The following PTPN3 variants were observed in gnomAD, a reference collection of about 807,000 sequenced individuals.
PTPN3 encodes the protein tyrosine-protein phosphatase non-receptor type 3.
Under a neutral mutation model 132.7 loss-of-function variants are expected in PTPN3, and 96 were observed. That is an observed-to-expected ratio of 0.72 (90% CI 0.61 to 0.86). The LOEUF is 0.86. Among genes scored for constraint, PTPN3 ranks in the 40% least tolerant of loss-of-function variants. The pLI is 0.00. For missense variants in PTPN3, 1,125 were observed against 1,159.6 expected (o/e 0.97, Z 0.43); for synonymous variants, 398 against 429.0 (o/e 0.93, Z 0.89).
intron 2 of PTPN3, among the ~76,000 whole-genome samples, chr9:109,457,663 A>G (rs1166878782): frequency 6.6e-6 from 1 of 152,222 alleles, no homozygotes; most frequent in African/African-American, 2.4e-5. Context: ...GCAATTCCCA[A>G]GTGATAATGT....
intron 7 of PTPN3, among the ~76,000 whole-genome samples, chr9:109,443,859 C>T (rs1369007288): frequency 1.3e-5 from 2 of 152,180 alleles, no homozygotes; most frequent in African/African-American, 4.8e-5. Context: ...CTCTGGTACT[C>T]GTCTTACTCG....
upstream of PTPN3, among the ~76,000 whole-genome samples, chr9:109,500,164 C>A (rs1196659171): frequency 1.3e-5 from 2 of 152,218 alleles, no homozygotes; most frequent in African/African-American, 2.4e-5. Flanking sequence ...GGAACGTGAA[C>A]GTGTTTAGAC....
intron 13 of PTPN3, 49 bp from the exon 14 acceptor site, chr9:109,420,649 TA>T: frequency 1.9e-6 from 3 of 1,545,588 alleles, no homozygotes; most frequent in South Asian, 1.2e-5. Flanking sequence ...AAATTCCACT[TA>T]AAAATTTTAT....
Position 109,381,756 on chromosome 9 carries a change from T to C in PTPN3, c.2560A>G (p.Thr854Ala). Residue 854 changes from threonine to alanine, a missense_variant, in exon 25 of 26, where the codon ACT (threonine) becomes GCT (alanine). Physicochemically the swap from Thr to Ala is moderately conservative, Grantham distance 58. Transcript: ENST00000374541. ...AGIGRTGVLV[T>A]METAMCLTER... is the part of the protein sequence containing the mutation. Reference sequence around the variant, plus strand: ...GTTAGGCACATGGCTGTTTCCATAGTGACCAACACACCGGTTCGACCTATT... The same window carrying C: ...GTTAGGCACATGGCTGTTTCCATAGCGACCAACACACCGGTTCGACCTATT... The C allele has an allele frequency of 1.2e-6, 2 of 1,614,234 alleles. No individual in the cohort carries two copies. Among genetic ancestry groups the C allele is most frequent in the Non-Finnish European group, 8.5e-7 (1 of 1,180,032 alleles).
In PTPN3 at chr9:109,450,118, T is replaced by G. The variant is rs78612713; in HGVS notation, c.369-1263A>C. 1,928 of 984,572 alleles carry G rather than the reference T, an allele frequency of 2.0e-3. 30 individuals carry two copies. In the African/African-American group the frequency reaches 0.029, roughly 15 times the overall value. 61.0% of individuals were successfully genotyped at this position (984,572 alleles called of 1,614,324 possible). A position where few individuals can be genotyped will look rare whatever the true frequency, so the allele number is the denominator to read the frequency against. ...TGCTACAAATTTCTTATATGTTTAATGGCTAAAAAGCTTAGGATCCATGTC... is the reference window on the plus strand; with the variant it reads ...TGCTACAAATTTCTTATATGTTTAAGGGCTAAAAAGCTTAGGATCCATGTC... On this transcript the variant is annotated intron_variant, in intron 5 of 25. Transcript: ENST00000374541.
At chr9:109,435,783 A>C (rs983234928) in intron 9 of PTPN3, among the ~76,000 whole-genome samples, 79 of 152,336 alleles carry the variant, frequency 5.2e-4, no homozygotes, top group African/African-American at 1.6e-3. Context: ...ATTCTATCTA[A>C]GATAAAATAT....
chr9:109,469,711 AAGG>A (rs767020884), intron 1 of PTPN3, among the ~76,000 whole-genome samples: 4 of 152,230 alleles, frequency 2.6e-5, no homozygotes, highest in Non-Finnish European at 2.9e-5. Context: ...CGTTGAAAAA[AAGG>A]AGGAGAATAA....
At chr9:109,502,585 C>G (rs2132143101), upstream of PTPN3, among the ~76,000 whole-genome samples, 1 of 152,172 alleles carries the variant, frequency 6.6e-6, no homozygotes, top group South Asian at 2.1e-4. Context: ...TGCTTGAGGA[C>G]AGGAGTTTGA....
intron 1 of PTPN3, among the ~76,000 whole-genome samples, chr9:109,471,405 C>CA (rs2132073319): frequency 6.6e-6 from 1 of 152,290 alleles, no homozygotes; most frequent in Non-Finnish European, 1.5e-5. Flanking sequence ...CACACACAGA[C>CA]ACACCAGGCT....
chr9:109,414,405 C>T (rs960014260), intron 14 of PTPN3, among the ~76,000 whole-genome samples: 6 of 152,196 alleles, frequency 3.9e-5, no homozygotes, highest in Admixed American at 2.6e-4. Flanking sequence ...TGGAATAGCA[C>T]GGCGCTAGAG....
rs548072350 is a variant in PTPN3 at position 109,469,574 on chromosome 9, G to A, written c.-17-6123C>T. On this transcript the variant is annotated intron_variant, in intron 1 of 25. Coordinates refer to ENST00000374541, the MANE Select transcript of PTPN3 (RefSeq NM_002829.4). ...GCAGAGATTGCAATGAGCCAAGATC[G>A]CGCCATTGCACTCCAGCCTGAGCGA... 5.3e-5 allele frequency among the ~76,000 whole-genome samples: 8 copies of A among 152,250 alleles called. No individual in the cohort carries two copies. The South Asian group carries it at 1.2e-3, about 24-fold the overall frequency.
chr9:109,456,185 G>C (rs527720435), intron 4 of PTPN3, among the ~76,000 whole-genome samples: 1 of 152,194 alleles, frequency 6.6e-6, no homozygotes, highest in Admixed American at 6.5e-5. Flanking sequence ...CTGTGTATGC[G>C]CACCTGCGTG....
upstream of PTPN3, chr9:109,498,314 G>GCCCAGTGC (rs1279023144): frequency 6.8e-6 from 1 of 146,186 alleles, no homozygotes; most frequent in African/African-American, 2.5e-5. This position sits in a 1 kb window ranked among gnomAD's most constrained non-coding sequence, Gnocchi z 4.2. Flanking sequence ...GTCTGAGCAT[G>GCCCAGTGC]CCCAGTGCCG....
intron 21 of PTPN3, among the ~76,000 whole-genome samples, chr9:109,390,540 T>A (rs959402162): frequency 1.2e-4 from 18 of 152,138 alleles, no homozygotes; most frequent in Non-Finnish European, 1.9e-4. Context: ...GCATGGCACA[T>A]GTATACATAT....
chr9:109,389,189 G>T, intron 22 of PTPN3, 44 bp downstream of exon 22: 1 of 1,605,448 alleles, frequency 6.2e-7, no homozygotes, highest in Non-Finnish European at 8.5e-7. Context: ...CACAGAGTAG[G>T]GTGTGACACT....
chr9:109,437,515 G>A (rs570209070), intron 8 of PTPN3, among the ~76,000 whole-genome samples: 45 of 152,306 alleles, frequency 3.0e-4, no homozygotes, highest in African/African-American at 1.0e-3. Flanking sequence ...CTTGGTCAGG[G>A]TGGCCTTTAT....
At chr9:109,523,801 G>T in the PTPN3 span, among the ~76,000 whole-genome samples, 1 of 152,242 alleles carries the variant, frequency 6.6e-6, no homozygotes, top group African/African-American at 2.4e-5. Context: ...AGTGTATGCG[G>T]CCTTCTGCAA....
chr9:109,512,590 G>A, the PTPN3 span, among the ~76,000 whole-genome samples: 3 of 152,174 alleles, frequency 2.0e-5, no homozygotes, highest in African/African-American at 7.2e-5. Context: ...GACTACATGA[G>A]GTAAGGTGTG....
intron 7 of PTPN3, among the ~76,000 whole-genome samples, chr9:109,444,157 A>T (rs1448194231): frequency 6.6e-6 from 1 of 152,226 alleles, no homozygotes; most frequent in East Asian, 1.9e-4. Flanking sequence ...ACAGGGTAAT[A>T]GGCCAAGATG....
Sources: gnomAD v4.1 joint callset for allele counts (sites outside exome capture counted in the v4.1 genomes callset) on GRCh38, gnomAD v4.1.1 for gene constraint, Gnocchi (gnomAD v3.1) non-coding constraint, MANE v1.5 for transcripts, NCBI Gene and HGNC (gene_info 2026-07-23, HGNC 2026-07-21) for gene names.